NFAM1: variants seen among roughly 807,000 people sequenced by gnomAD.
The protein encoded by NFAM1 is NFAT activation molecule 1.
In NFAM1, 17 loss-of-function variants were observed where a neutral mutation model predicts 29.0. That is an observed-to-expected ratio of 0.59 (90% CI 0.40 to 0.88). The LOEUF is 0.88. Among genes scored for constraint, NFAM1 ranks in the 40% least tolerant of loss-of-function variants. The pLI, the probability that NFAM1 is intolerant of heterozygous loss-of-function variation, is 0.00. For synonymous variants in NFAM1, 175 were observed against 147.2 expected (o/e 1.19, Z -1.36); for missense variants, 324 against 344.6 (o/e 0.94, Z 0.47).
intron 1 of NFAM1, 122 bp from the exon 2 acceptor site, chr22:42,411,858 G>A: frequency 3.0e-6 from 2 of 667,904 alleles, no homozygotes. Context: ...AACACTTTGG[G>A]AGGCCGAGGC....
At chr22:42,423,112 C>CAAAA (rs71184892) in intron 1 of NFAM1, among the ~76,000 whole-genome samples, 1 of 75,716 alleles carries the variant, frequency 1.3e-5, no homozygotes, top group African/African-American at 7.4e-5. Flanking sequence ...GACTCCATCT[C>CAAAA]AAAAAAAAAA....
chr22:42,408,146 G>A (rs758738016), intron 3 of NFAM1, among the ~76,000 whole-genome samples: 17 of 151,900 alleles, frequency 1.1e-4, no homozygotes, highest in South Asian at 2.1e-4. Flanking sequence ...CACCCACCTC[G>A]GCCTCCCAAA....
intron 4 of NFAM1, among the ~76,000 whole-genome samples, chr22:42,396,716 G>A (rs1929537366): frequency 6.6e-6 from 1 of 152,146 alleles, no homozygotes; most frequent in Non-Finnish European, 1.5e-5. Flanking sequence ...AGCCCTTTGA[G>A]AACCATCACA....
In NFAM1 at chr22:42,386,989, C is replaced by G. The variant is rs138771793; in HGVS notation, c.753G>C (p.Gln251His). 4.5e-6 allele frequency: 7 copies of G among 1,541,986 alleles called. No homozygotes were observed. In the African/African-American group the frequency reaches 8.5e-5, roughly 19 times the overall value. Residue 251 changes from glutamine (Q) to histidine (H), a missense_variant and splice_region_variant, in exon 5 of 6, where the codon CAG (glutamine) becomes CAC (histidine). By Grantham distance (24) the Gln-to-His change is conservative. Coordinates refer to ENST00000329021, the MANE Select transcript of NFAM1 (RefSeq NM_145912.8). ...GCTTGGTGCCCCAGCGCCTGTGTACCTGGGAGAGGGGGCTCTGCTTGGCGG... is the reference window on the plus strand; with the variant it reads ...GCTTGGTGCCCCAGCGCCTGTGTACGTGGGAGAGGGGGCTCTGCTTGGCGG... ...SPTAKQSPLS[Q>H]ERPHRFEDDG...
rs143362031 is a variant in NFAM1 at position 42,419,639 on chromosome 22, T to C, written c.122-7903A>G. On this transcript the variant is annotated intron_variant, in intron 1 of 5. Transcript: ENST00000329021. This position sits in a 1 kb window ranked among gnomAD's most constrained non-coding sequence, Gnocchi z 4.5. ...TCTCTGGCCCTCACTCGCCCACTCC[T>C]GCGTAGACGTCAGCCTGCCACACTC... Among the ~76,000 whole-genome samples, 470 of 152,284 alleles carry C rather than the reference T, an allele frequency of 3.1e-3. 2 individuals carry two copies. Among genetic ancestry groups the C allele is most frequent in the African/African-American group, 0.011 (447 of 41,566 alleles).
chr22:42,395,098 C>T (rs888096774), intron 4 of NFAM1, among the ~76,000 whole-genome samples: 5 of 151,740 alleles, frequency 3.3e-5, no homozygotes, highest in African/African-American at 4.9e-5. Context: ...AGCTGGAGAC[C>T]GGGAGGTGGA....
At chr22:42,420,018 T>TTTTTTTTG (rs1930391376) in intron 1 of NFAM1, among the ~76,000 whole-genome samples, 1 of 130,360 alleles carries the variant, frequency 7.7e-6, no homozygotes. Flanking sequence ...TTTTTTTTTT[T>TTTTTTTTG]TTTTTTTTCT....
At chr22:42,410,480 G>A (rs1187885710) in intron 2 of NFAM1, 4 of 384,726 alleles carry the variant, frequency 1.0e-5, no homozygotes, top group African/African-American at 2.1e-5. Flanking sequence ...CCAACATGGC[G>A]AAATCTTGTC....
At chr22:42,397,744 G>A in intron 4 of NFAM1, 114 bp downstream of exon 4, 1 of 702,328 alleles carries the variant, frequency 1.4e-6, no homozygotes, top group South Asian at 1.6e-5. Context: ...AGGAACTTGA[G>A]GCTAGGAGAG....
At chr22:42,395,280 C>G (rs1220191939) in intron 4 of NFAM1, among the ~76,000 whole-genome samples, 1 of 151,556 alleles carries the variant, frequency 6.6e-6, no homozygotes, top group Non-Finnish European at 1.5e-5. Context: ...TCGAGACCAG[C>G]CTGGCCAACA....
intron 1 of NFAM1, among the ~76,000 whole-genome samples, chr22:42,424,053 G>A (rs371756422): frequency 2.0e-5 from 3 of 151,854 alleles, no homozygotes; most frequent in Admixed American, 1.3e-4. Context: ...TGCCTGACTC[G>A]GCCTCCCAAA....
rs1027900147 is a variant in NFAM1 at position 42,382,536 on chromosome 22, G to T, written c.*2625C>A. The T allele has an allele frequency of 1.3e-5, 2 of 152,190 alleles. No homozygotes were observed. Among genetic ancestry groups the T allele is most frequent in the Non-Finnish European group, 2.9e-5 (2 of 68,070 alleles). The allele number at this position is 152,190 out of a possible 1,614,324, so 9.4% of individuals were successfully genotyped here. On this transcript the variant is annotated 3_prime_UTR_variant, in exon 6 of 6. Coordinates refer to ENST00000329021, the MANE Select transcript of NFAM1 (RefSeq NM_145912.8). ...TCCACCCATTCATAGTGGAAAGCAA[G>T]CCTGCACCCCAGGAGCTCCCATTCA...
chr22:42,416,145 G>A (rs1284090241), intron 1 of NFAM1, among the ~76,000 whole-genome samples: 3 of 152,206 alleles, frequency 2.0e-5, no homozygotes, highest in East Asian at 1.9e-4. Context: ...ACACCACGAC[G>A]ATCCTAGGCG....
intron 5 of NFAM1, 54 bp downstream of exon 5, chr22:42,386,935 T>A: frequency 2.1e-6 from 2 of 961,514 alleles, no homozygotes; most frequent in Non-Finnish European, 3.1e-6. Flanking sequence ...TCACCAGTGA[T>A]GGGAGGGTCA....
intron 4 of NFAM1, among the ~76,000 whole-genome samples, chr22:42,390,530 G>A (rs1755488114): frequency 1.3e-5 from 2 of 152,046 alleles, no homozygotes; most frequent in African/African-American, 4.8e-5. Context: ...AAGAATGAGG[G>A]AGCGGGCTGG....
intron 1 of NFAM1, among the ~76,000 whole-genome samples, chr22:42,429,461 C>A (rs2146559940): frequency 6.6e-6 from 1 of 152,128 alleles, no homozygotes; most frequent in East Asian, 1.9e-4. Flanking sequence ...ACTAAAAATA[C>A]AGAAATTAGC....
At chr22:42,389,279 A>G (rs1929252409) in intron 4 of NFAM1, among the ~76,000 whole-genome samples, 1 of 152,084 alleles carries the variant, frequency 6.6e-6, no homozygotes, top group Admixed American at 6.5e-5. Flanking sequence ...CCCAACCCAT[A>G]CAGTGGGGGA....
intron 4 of NFAM1, among the ~76,000 whole-genome samples, chr22:42,392,309 G>A (rs1441430632): frequency 6.6e-6 from 1 of 152,174 alleles, no homozygotes; most frequent in Non-Finnish European, 1.5e-5. Context: ...GTGTGTTTGA[G>A]GAGGAGGGAG....
At chr22:42,434,362 C>A (rs79167747), upstream of NFAM1, among the ~76,000 whole-genome samples, 1,689 of 152,294 alleles carry the variant, frequency 0.011, 30 homozygotes, top group African/African-American at 0.038. Context: ...AAGGGGTAGC[C>A]TCTGGGAGGC....
Sources: allele counts gnomAD v4.1 joint callset (sites outside exome capture counted in the v4.1 genomes callset), GRCh38; gene constraint gnomAD v4.1.1; non-coding constraint Gnocchi (gnomAD v3.1); transcripts MANE v1.5; gene names NCBI Gene and HGNC (gene_info 2026-07-23, HGNC 2026-07-21).